The following PDLIM2 variants were observed in gnomAD, a reference collection of about 807,000 sequenced individuals.
PDLIM2 encodes the protein PDZ and LIM domain protein 2.
A neutral mutation model predicts 54.1 loss-of-function variants in PDLIM2; 51 were observed. The ratio of observed to expected loss-of-function variants is 0.94; its 90% CI spans 0.75 to 1.19. PDLIM2 has a LOEUF of 1.19. Ranked by LOEUF, PDLIM2 falls within the 50% of genes most tolerant of loss-of-function variation. The pLI is 0.00. For synonymous variants in PDLIM2, 398 were observed against 385.6 expected (o/e 1.03, Z -0.38); for missense variants, 912 against 874.0 (o/e 1.04, Z -0.55).
rs1287998529 is a variant in PDLIM2 at position 22,591,680 on chromosome 8, G to A, written c.1631+12G>A. The A allele has an allele frequency of 3.8e-6, 6 of 1,597,850 alleles. No homozygotes were observed. The highest frequency in any genetic ancestry group is 1.7e-5 in the Admixed American group (1 of 59,076). ...AGTACCAGCATCGCGTGAGTGTGGA[G>A]GGGGGTGGGGGACCTGAGCCTTCAC... On this transcript the variant is annotated intron_variant, in intron 9 of 9. Coordinates refer to ENST00000308354, the Ensembl canonical transcript of PDLIM2.
chr8:22,589,810 T>A (rs1416104501), intron 8 of PDLIM2, 69 bp downstream of exon 7: 1 of 1,537,858 alleles, frequency 6.5e-7, no homozygotes, highest in Non-Finnish European at 8.8e-7. Context: ...ACTGGATGGG[T>A]CAGTGAACCA....
intron 5 of PDLIM2, 21 bp downstream of exon 4, chr8:22,585,183 G>A: frequency 1.2e-6 from 2 of 1,611,550 alleles, no homozygotes; most frequent in Non-Finnish European, 1.7e-6. Context: ...CTGTGAGTGG[G>A]TACCCTGGTC....
chr8:22,578,774 C>A, exon 1 of PDLIM2: 1 of 1,234,032 alleles, frequency 8.1e-7, no homozygotes. Flanking sequence ...TGCCCAGGAC[C>A]TGGGGATGCG....
chr8:22,580,674 C>A (rs1333945872), exon 2 of PDLIM2: 1 of 1,613,942 alleles, frequency 6.2e-7, no homozygotes, highest in Non-Finnish European at 8.5e-7. Context: ...CAGGGATTTC[C>A]ACACGCCCAT....
chr8:22,589,530 C>A, intron 7 of PDLIM2, 66 bp from the exon 7 acceptor site: 1 of 1,549,936 alleles, frequency 6.5e-7, no homozygotes, highest in South Asian at 1.2e-5. Context: ...TCTCCTGCCC[C>A]CCACCCCCTT....
At position 22,589,351 on chromosome 8, in the gene PDLIM2, G is replaced by A. The variant is rs763982633; in HGVS notation, c.1344G>A (p.Pro448=). ...CGGTGCTGGTGCTGCCGCCTTCCCCGGGCCCTCGTTCCTCCAGGCCCAGGT... is the reference window on the plus strand; with the variant it reads ...CGGTGCTGGTGCTGCCGCCTTCCCCAGGCCCTCGTTCCTCCAGGCCCAGGT... The change falls in exon 7 of 10, where the codon CCG becomes CCA. Residue 448 remains proline (P), a synonymous_variant. Coordinates refer to ENST00000308354, the Ensembl canonical transcript of PDLIM2. The A allele has an allele frequency of 1.5e-4, 229 of 1,534,702 alleles. 1 individual carries two copies. The African/African-American group carries it at 2.6e-3, about 17-fold the overall frequency.
chr8:22,583,281 G>A (rs1476109251), intron 3 of PDLIM2, among the ~76,000 whole-genome samples: 7 of 152,072 alleles, frequency 4.6e-5, no homozygotes, highest in Admixed American at 2.6e-4. Context: ...GGCGGGTCTC[G>A]CCCTTTGTTT....
At position 22,580,473 on chromosome 8, in the gene PDLIM2, G is replaced by T; in HGVS notation, c.749-130G>T. The T allele has an allele frequency of 6.5e-7, 1 of 1,543,850 alleles. No individual in the cohort carries two copies. Among genetic ancestry groups the T allele is most frequent in the Admixed American group, 2.0e-5 (1 of 49,862 alleles). ...AGCCACTTCCTCTACCCACCCCAAA[G>T]CCCCTGAGTAGCTGCTCCGGGAGCT... On this transcript the variant is annotated intron_variant, in intron 1 of 9. Transcript: ENST00000308354.
exon 3 of PDLIM2, chr8:22,581,486 C>A: frequency 6.2e-7 from 1 of 1,603,104 alleles, no homozygotes. Context: ...AGGCCCAGAG[C>A]AAGATCCGCC....
In PDLIM2 at chr8:22,593,907, C is replaced by G. The variant is rs1455300878; in HGVS notation, c.1806C>G (p.Ala602=). The change falls in exon 10 of 10, where the codon GCC becomes GCG. Residue 602 remains alanine (A), a synonymous_variant. Coordinates refer to ENST00000308354, the Ensembl canonical transcript of PDLIM2. ...CACCTGCCACCCTCAGCTCTCGGGC[C>G]TGAGCCCGCCATGCCCTCAGCCTGC... The G allele has an allele frequency of 1.5e-5, 23 of 1,544,184 alleles. No individual in the cohort carries two copies. The Admixed American group carries it at 2.2e-4, about 15-fold the overall frequency.
downstream of PDLIM2, chr8:22,594,328 G>T (rs539677903): frequency 2.1e-6 from 3 of 1,430,782 alleles, no homozygotes; most frequent in Admixed American, 2.9e-5. Context: ...TTTTCCTACC[G>T]CCAGCCCTGG....
chr8:22,589,029 C>T, intron 6 of PDLIM2: 1 of 567,866 alleles, frequency 1.8e-6, no homozygotes, highest in Non-Finnish European at 3.1e-6. Flanking sequence ...GCTGCCCGGT[C>T]CCCGGCAGAA....
At chr8:22,582,968 C>G (rs1032550667) in intron 3 of PDLIM2, among the ~76,000 whole-genome samples, 1 of 132,604 alleles carries the variant, frequency 7.5e-6, no homozygotes, top group Admixed American at 8.8e-5. Context: ...CTCTGGTATT[C>G]AGAAGCCCTG....
At chr8:22,593,621 G>A (rs1340581701) in intron 9 of PDLIM2, 112 bp from the exon 9 acceptor site, 1 of 797,998 alleles carries the variant, frequency 1.3e-6, no homozygotes. Flanking sequence ...CTCTGAGAAG[G>A]CTTTGGGCTC....
At chr8:22,589,661 A>C (rs947727623) in exon 8 of PDLIM2, 1 of 1,586,920 alleles carries the variant, frequency 6.3e-7, no homozygotes, top group Non-Finnish European at 8.6e-7. Flanking sequence ...ATGCTGCAGG[A>C]AAATCGCGAG....
chr8:22,594,774 G>C (rs1800647694), downstream of PDLIM2: 1 of 1,414,988 alleles, frequency 7.1e-7, no homozygotes, highest in Non-Finnish European at 9.3e-7. Context: ...GATTGATTTG[G>C]AGGGGGGAAA....
intron 1 of PDLIM2, chr8:22,579,714 A>G: frequency 4.7e-6 from 3 of 635,336 alleles, no homozygotes; most frequent in Non-Finnish European, 7.2e-6. Context: ...GGTGCTGGGC[A>G]GGGTGGTGCC....
At chr8:22,593,829 C>T in exon 10 of PDLIM2, 1 of 1,594,644 alleles carries the variant, frequency 6.3e-7, no homozygotes, top group Non-Finnish European at 8.5e-7. Context: ...GCGGGCACTT[C>T]TGGGTGGGTG....
chr8:22,585,652 C>CTCATCCCT (rs1800356240), intron 6 of PDLIM2: 1 of 203,584 alleles, frequency 4.9e-6, no homozygotes. Context: ...CCCTCATCCC[C>CTCATCCCT]CTCCCCTCCC....
Sources: allele counts gnomAD v4.1 joint callset (sites outside exome capture counted in the v4.1 genomes callset), GRCh38; gene constraint gnomAD v4.1.1; transcripts MANE v1.5; gene names NCBI Gene and HGNC (gene_info 2026-07-23, HGNC 2026-07-21).